MAP1B: variants seen among roughly 807,000 people sequenced by gnomAD.
MAP1B encodes microtubule-associated protein 1B.
A neutral mutation model predicts 176.1 loss-of-function variants in MAP1B; 12 were observed. The observed-to-expected ratio is 0.07, with a 90% CI of 0.04 to 0.11. The LOEUF (loss-of-function observed/expected upper bound fraction) is 0.11, where lower values mean the gene tolerates loss of function less well. MAP1B is among the 10% of genes least tolerant of loss of function. MAP1B has a pLI of 1.00. For synonymous variants in MAP1B, 1,044 were observed against 1,135.0 expected (o/e 0.92, Z 1.61); for missense variants, 2,523 against 2,990.5 (o/e 0.84, Z 3.65).
Position 72,200,176 on chromosome 5 carries a change from C to G in MAP1B, c.6821C>G (p.Pro2274Arg). ...KSKPLAASPK[P>R]AGLKESSDKV... ...AAGCCCTTGGCAGCTTCACCAAAAC[C>G]AGCGGGCTTGAAAGAATCCTCGGAT... The change falls in exon 5 of 7, where the codon CCA becomes CGA. Residue 2274 changes from proline (P) to arginine (R), a missense_variant. Coordinates refer to ENST00000296755, the MANE Select transcript of MAP1B (RefSeq NM_005909.5). The G allele has an allele frequency of 6.2e-7, 1 of 1,614,222 alleles. No homozygotes were observed. Among genetic ancestry groups the G allele is most frequent in the Non-Finnish European group, 8.5e-7 (1 of 1,180,038 alleles).
At chr5:72,120,842 T>C (rs1219852761) in intron 2 of MAP1B, among the ~76,000 whole-genome samples, 1 of 152,212 alleles carries the variant, frequency 6.6e-6, no homozygotes, top group Non-Finnish European at 1.5e-5. Flanking sequence ...GAGTATCTAT[T>C]TGACTTGTAT....
chr5:72,198,321 C>G lies in MAP1B; in HGVS notation c.4966C>G (p.Gln1656Glu). 1 of 1,614,182 alleles carries G rather than the reference C, an allele frequency of 6.2e-7. No individual in the cohort carries two copies. Among genetic ancestry groups the G allele is most frequent in the Non-Finnish European group, 8.5e-7 (1 of 1,180,040 alleles). Residue 1656 changes from glutamine (Q) to glutamate (E), a missense_variant, in exon 5 of 7, where the codon CAA becomes GAA. Around this residue, in one of 4 missense-constraint regions of MAP1B, gnomAD observed 1,925 missense variants for 2,126.0 expected, o/e 0.91. Transcript: ENST00000296755. ...SIEFGQESPE[Q>E]SLAMDFSRQS... is the part of the protein sequence containing the mutation. ...TGAATTTGGCCAAGAATCTCCTGAG[C>G]AATCCCTTGCTATGGACTTCAGTCG...
intron 5 of MAP1B, among the ~76,000 whole-genome samples, chr5:72,202,888 T>C (rs1219360018): frequency 6.6e-6 from 1 of 152,234 alleles, no homozygotes; most frequent in African/African-American, 2.4e-5. Context: ...CTAGTCTTTC[T>C]GAACCTTCCT....
In MAP1B at chr5:72,201,339, G is replaced by T. The variant is rs1747331349; in HGVS notation, c.7012+972G>T. On this transcript the variant is annotated intron_variant, in intron 5 of 6. Transcript: ENST00000296755. ...GTGAGCCAGAATTGTATGTATCACT[G>T]CATGCCAAGCCTGGGTGACAGAGCA... Among the ~76,000 whole-genome samples, 3 of 151,956 alleles carry T rather than the reference G, an allele frequency of 2.0e-5. 1 individual carries two copies. The highest frequency in any genetic ancestry group is 2.0e-4 in the Admixed American group (3 of 15,240).
chr5:72,114,329 A>G (rs1302689876), intron 1 of MAP1B, among the ~76,000 whole-genome samples: 7 of 152,186 alleles, frequency 4.6e-5, no homozygotes. Flanking sequence ...TCCAGTGTGT[A>G]TTTAAGTAAC....
rs903770415 is a variant in MAP1B at position 72,208,437 on chromosome 5, A to T, written c.*3198A>T. On this transcript the variant is annotated 3_prime_UTR_variant, in exon 7 of 7. Coordinates refer to ENST00000296755, the MANE Select transcript of MAP1B (RefSeq NM_005909.5). ...TATTCTTAAACAAAATTCTACAGAGACTAAATGTTAGCGATGATCCTCCAT... is the reference window on the plus strand; with the variant it reads ...TATTCTTAAACAAAATTCTACAGAGTCTAAATGTTAGCGATGATCCTCCAT... 1 of 152,192 alleles carries T rather than the reference A, an allele frequency of 6.6e-6. No individual in the cohort carries two copies. The highest frequency in any genetic ancestry group is 1.9e-4 in the East Asian group (1 of 5,202). The allele number at this position is 152,192 out of a possible 1,614,324, so 9.4% of individuals were successfully genotyped here.
intron 2 of MAP1B, among the ~76,000 whole-genome samples, chr5:72,157,530 A>G (rs1746248976): frequency 6.6e-6 from 1 of 152,212 alleles, no homozygotes; most frequent in African/African-American, 2.4e-5. Flanking sequence ...GGGGACAGGG[A>G]GCCATGGGCT....
At chr5:72,121,977 C>T (rs972862396) in intron 2 of MAP1B, among the ~76,000 whole-genome samples, 6 of 152,248 alleles carry the variant, frequency 3.9e-5, no homozygotes, top group African/African-American at 1.4e-4. Flanking sequence ...TTTGTGTACA[C>T]GCACAGGTCT....
chr5:72,197,574 G>A lies in MAP1B; in HGVS notation c.4219G>A (p.Glu1407Lys), dbSNP rs200451397. Residue 1407 changes from glutamate (E) to lysine (K), a missense_variant, in exon 5 of 7, where the codon GAG (glutamate) becomes AAG (lysine). Glu to Lys is a moderately conservative substitution (Grantham distance 56). Around this residue, in one of 4 missense-constraint regions of MAP1B, gnomAD observed 1,925 missense variants for 2,126.0 expected, o/e 0.91. Coordinates refer to ENST00000296755, the MANE Select transcript of MAP1B (RefSeq NM_005909.5). Reference protein sequence around the residue: ...PLRSPPLIGSESAYESFLSAD... With the variant: ...PLRSPPLIGSKSAYESFLSAD... ...ACGCAGCCCGCCCCTCATTGGATCC[G>A]AGTCTGCTTATGAAAGTTTTCTAAG... 6 of 1,614,184 alleles carry A rather than the reference G, an allele frequency of 3.7e-6. No homozygotes were observed. The highest frequency in any genetic ancestry group is 1.3e-5 in the African/African-American group (1 of 75,028).
chr5:72,193,194 A>AT (rs761101624), intron 4 of MAP1B: 73 of 345,998 alleles, frequency 2.1e-4, no homozygotes, highest in Non-Finnish European at 3.9e-4. Context: ...GAAACCAGTA[A>AT]TTTTTTGTAG....
chr5:72,166,902 CG>C (rs776171753), intron 2 of MAP1B, among the ~76,000 whole-genome samples: 1 of 152,122 alleles, frequency 6.6e-6, no homozygotes, highest in Non-Finnish European at 1.5e-5. Context: ...GTGGGCAGGA[CG>C]GGGCAGTCCA....
rs749031834 is a variant in MAP1B at position 72,195,750 on chromosome 5, G to A, written c.2395G>A (p.Val799Ile). 6.8e-6 allele frequency: 11 copies of A among 1,614,266 alleles called. No individual in the cohort carries two copies. In the South Asian group the frequency reaches 1.1e-4, roughly 16 times the overall value. ...GGCCGCAGAGGCTGTCGCTGCAGCTGTCGGCACTGGAGCCACCACAGCAGC... is the reference window on the plus strand; with the variant it reads ...GGCCGCAGAGGCTGTCGCTGCAGCTATCGGCACTGGAGCCACCACAGCAGC... ...GKAAEAVAAA[V>I]GTGATTAAVM... The change falls in exon 5 of 7, where the codon GTC becomes ATC. Residue 799 changes from valine (V) to isoleucine (I), a missense_variant. Val to Ile is a conservative substitution (Grantham distance 29). Around this residue, in one of 4 missense-constraint regions of MAP1B, gnomAD observed 1,925 missense variants for 2,126.0 expected, o/e 0.91. Coordinates refer to ENST00000296755, the MANE Select transcript of MAP1B (RefSeq NM_005909.5).
chr5:72,141,846 C>T (rs757457116), intron 2 of MAP1B, among the ~76,000 whole-genome samples: 5 of 152,162 alleles, frequency 3.3e-5, no homozygotes, highest in Admixed American at 2.0e-4. Flanking sequence ...CTCCTTCAAA[C>T]GTTTCCACCC....
At chr5:72,188,333 G>C (rs753658499) in intron 4 of MAP1B, among the ~76,000 whole-genome samples, 1 of 152,208 alleles carries the variant, frequency 6.6e-6, no homozygotes, top group Non-Finnish European at 1.5e-5. Flanking sequence ...TCAGGGAAGA[G>C]AGAAAGCTGC....
chr5:72,108,920 T>C (rs1339195240), intron 1 of MAP1B, among the ~76,000 whole-genome samples: 1 of 152,222 alleles, frequency 6.6e-6, no homozygotes. Flanking sequence ...GCCCGCGCTC[T>C]ATTCTCCTGG....
Position 72,208,875 on chromosome 5 carries a change from G to T in MAP1B, c.*3636G>T, listed in dbSNP as rs184371900. 1 of 151,962 alleles carries T rather than the reference G, an allele frequency of 6.6e-6. No individual in the cohort carries two copies. Among genetic ancestry groups the T allele is most frequent in the African/African-American group, 2.4e-5 (1 of 41,414 alleles). The allele number at this position is 151,962 out of a possible 1,614,324, so 9.4% of individuals were successfully genotyped here. ...GAGGTTCCTGCTCAGTAATGATATT[G>T]TGAGTTAGGATAATAACTTTTTTTT... On this transcript the variant is annotated 3_prime_UTR_variant, in exon 7 of 7. Coordinates refer to ENST00000296755, the MANE Select transcript of MAP1B (RefSeq NM_005909.5).
Position 72,179,550 on chromosome 5 carries a change from C to CG in MAP1B, c.287-4192dup, listed in dbSNP as rs1746722641. 4.4e-6 allele frequency: 4 copies of CG among 917,076 alleles called. No individual in the cohort carries two copies. The South Asian group carries it at 2.0e-4, about 46-fold the overall frequency. 56.8% of individuals were successfully genotyped at this position (917,076 alleles called of 1,614,324 possible). A position where few individuals can be genotyped will look rare whatever the true frequency, so the allele number is the denominator to read the frequency against. ...CAGCCGCCTGCGCTGAGAACCCGCC[C>CG]GCCTGCCGCAGGAAAGCTGGCACCC... On this transcript the variant is annotated intron_variant, in intron 2 of 6. Transcript: ENST00000296755.
At position 72,205,387 on chromosome 5, in the gene MAP1B, T is replaced by A; in HGVS notation, c.*148T>A. 1 of 735,838 alleles carries A rather than the reference T, an allele frequency of 1.4e-6. No individual in the cohort carries two copies. Among genetic ancestry groups the A allele is most frequent in the Non-Finnish European group, 2.1e-6 (1 of 469,478 alleles). 45.6% of individuals were successfully genotyped at this position (735,838 alleles called of 1,614,324 possible). A position where few individuals can be genotyped will look rare whatever the true frequency, so the allele number is the denominator to read the frequency against. On this transcript the variant is annotated 3_prime_UTR_variant, in exon 7 of 7. Coordinates refer to ENST00000296755, the MANE Select transcript of MAP1B (RefSeq NM_005909.5). The stretch of plus-strand genomic sequence containing the variant: ...CTATACTGTGTCATGGTGATGCAAG[T>A]CACTAAATTTCTCAGTTTTTGCTGA...
At chr5:72,142,844 A>T (rs904864397) in intron 2 of MAP1B, among the ~76,000 whole-genome samples, 1 of 152,048 alleles carries the variant, frequency 6.6e-6, no homozygotes, top group African/African-American at 2.4e-5. Context: ...AACATTTTCG[A>T]CTGTGTTTTT....
Sources: allele counts gnomAD v4.1 joint callset (sites outside exome capture counted in the v4.1 genomes callset), GRCh38; gene constraint gnomAD v4.1.1; regional missense constraint gnomAD v4.1.1; transcripts MANE v1.5; gene names NCBI Gene and HGNC (gene_info 2026-07-23, HGNC 2026-07-21).